The following EDDM13 variants were observed in gnomAD, a reference collection of about 807,000 sequenced individuals.
The protein encoded by EDDM13 is epididymal protein 13.
Under a neutral mutation model 17.8 loss-of-function variants are expected in EDDM13, and 24 were observed. The ratio of observed to expected loss-of-function variants is 1.35; its 90% CI spans 0.98 to 1.90. The LOEUF (loss-of-function observed/expected upper bound fraction) is 1.90, where lower values mean the gene tolerates loss of function less well. Ranked by LOEUF, EDDM13 falls within the 40% of genes most tolerant of loss-of-function variation. The pLI is 0.00. For synonymous variants in EDDM13, 31 were observed against 37.5 expected (o/e 0.83, Z 0.63); for missense variants, 97 against 100.8 (o/e 0.96, Z 0.16).
At chr19:56,301,545 C>T (rs138698853) in intron 12 of EDDM13, among the ~76,000 whole-genome samples, 157 of 152,270 alleles carry the variant, frequency 1.0e-3, no homozygotes, top group African/African-American at 2.5e-3. Context: ...AGGGTCTTTG[C>T]GACTTGTATC....
intron 1 of EDDM13, among the ~76,000 whole-genome samples, chr19:56,275,074 G>A (rs11670870): frequency 0.42 from 63,242 of 152,082 alleles, 14,420 homozygotes; most frequent in Non-Finnish European, 0.51. Context: ...ACCACATGAT[G>A]TTGATGTGTC....
chr19:56,306,955 C>T (rs1191923772), intron 14 of EDDM13, among the ~76,000 whole-genome samples: 1 of 46,124 alleles, frequency 2.2e-5, no homozygotes, highest in Non-Finnish European at 4.1e-5. Flanking sequence ...GAGGCTCCTC[C>T]CTGGCCTCTC....
At chr19:56,302,533 T>C (rs12462744) in intron 13 of EDDM13, among the ~76,000 whole-genome samples, 1,148 of 26,966 alleles carry the variant, frequency 0.043, 43 homozygotes, top group African/African-American at 0.076. Flanking sequence ...TCCCTCCCTC[T>C]TCTTCCTCCC....
intron 1 of EDDM13, among the ~76,000 whole-genome samples, chr19:56,273,521 G>A (rs1433767051): frequency 6.6e-6 from 1 of 152,102 alleles, no homozygotes; most frequent in Non-Finnish European, 1.5e-5. Flanking sequence ...TCTAGTGTGG[G>A]GATTCGGAGA....
Position 56,272,834 on chromosome 19 carries a change from C to A in EDDM13, c.-1C>A. The A allele has an allele frequency of 1.0e-6, 1 of 984,472 alleles. No homozygotes were observed. Among genetic ancestry groups the A allele is most frequent in the Non-Finnish European group, 1.2e-6 (1 of 829,090 alleles). 61.0% of individuals were successfully genotyped at this position (984,472 alleles called of 1,614,324 possible). A position where few individuals can be genotyped will look rare whatever the true frequency, so the allele number is the denominator to read the frequency against. ...CATTCAGCCCAAATCCCAGCCCCAT[C>A]ATGCACAGATCAGAGCCATTTCTGA... is the stretch of plus-strand genomic sequence containing the variant. On this transcript the variant is annotated 5_prime_UTR_variant, in exon 1 of 15. Transcript: ENST00000649256.
At chr19:56,275,955 GAGTGGGTCAGCTGA>G in intron 1 of EDDM13, among the ~76,000 whole-genome samples, 123 bp from the exon 2 acceptor site, 1 of 152,306 alleles carries the variant, frequency 6.6e-6, no homozygotes, top group South Asian at 2.1e-4. Context: ...TGATAGCAGT[GAGTGGGTCAGCTGA>G]TCTCCAGGGA....
At chr19:56,292,355 T>C (rs921349205) in intron 9 of EDDM13, among the ~76,000 whole-genome samples, 4 of 152,190 alleles carry the variant, frequency 2.6e-5, no homozygotes, top group Non-Finnish European at 1.5e-5. Flanking sequence ...GCAGACCTCC[T>C]GGGCTCAAGC....
At chr19:56,309,393 C>T (rs1020163105) in intron 14 of EDDM13, among the ~76,000 whole-genome samples, 2 of 152,070 alleles carry the variant, frequency 1.3e-5, no homozygotes, top group Admixed American at 6.5e-5. Flanking sequence ...CACAACATGG[C>T]GAATGTAATG....
chr19:56,292,458 C>CTT (rs899365291), intron 9 of EDDM13, among the ~76,000 whole-genome samples: 1 of 135,170 alleles, frequency 7.4e-6, no homozygotes, highest in Admixed American at 7.4e-5. Flanking sequence ...TCTGTTTTTA[C>CTT]TTTTTTTTTT....
chr19:56,286,385 G>T (rs1161066590), intron 6 of EDDM13: 3 of 151,936 alleles, frequency 2.0e-5, no homozygotes, highest in Non-Finnish European at 1.5e-5. Context: ...TTCACAGACG[G>T]ACTGAACCCC....
At chr19:56,287,152 C>G (rs1337842629) in intron 6 of EDDM13, among the ~76,000 whole-genome samples, 1 of 152,212 alleles carries the variant, frequency 6.6e-6, no homozygotes, top group Non-Finnish European at 1.5e-5. Flanking sequence ...TTTTGTCCAT[C>G]TTAGGTGGTG....
chr19:56,273,234 G>T (rs551816828), intron 1 of EDDM13, among the ~76,000 whole-genome samples: 2 of 152,306 alleles, frequency 1.3e-5, no homozygotes, highest in African/African-American at 4.8e-5. Context: ...CAGTTCATGG[G>T]ACTGTTGCAT....
At chr19:56,277,386 C>T (rs113114733) in intron 2 of EDDM13, among the ~76,000 whole-genome samples, 35 of 152,250 alleles carry the variant, frequency 2.3e-4, no homozygotes, top group African/African-American at 7.0e-4. Flanking sequence ...CATTCAACAT[C>T]GTGTGTGAGC....
intron 14 of EDDM13, among the ~76,000 whole-genome samples, chr19:56,309,688 G>A (rs2040910407): frequency 6.6e-6 from 1 of 152,188 alleles, no homozygotes; most frequent in South Asian, 2.1e-4. Flanking sequence ...CAGGCTAGGG[G>A]GTGCAGCCCA....
intron 13 of EDDM13, among the ~76,000 whole-genome samples, chr19:56,302,309 T>TCTCC (rs71976965): frequency 2.8e-5 from 4 of 144,500 alleles, no homozygotes; most frequent in Admixed American, 6.9e-5. Context: ...TTCCCTCTTT[T>TCTCC]CTCCCTCCCT....
chr19:56,278,719 G>A lies in EDDM13; in HGVS notation c.103+2610G>A, dbSNP rs193089372. Among the ~76,000 whole-genome samples the A allele has an allele frequency of 2.2e-3, 333 of 152,310 alleles. 2 individuals carry two copies. The highest frequency in any genetic ancestry group is 1.3e-3 in the Non-Finnish European group (86 of 68,034). ...GTCTGAAGGCCTCAGAACCAAGGAAGCTGATGGATGGTCTAACTAACTCTC... is the reference window on the plus strand; with the variant it reads ...GTCTGAAGGCCTCAGAACCAAGGAAACTGATGGATGGTCTAACTAACTCTC... On this transcript the variant is annotated intron_variant, in intron 2 of 14. Transcript: ENST00000649256.
rs1459501681 is a variant in EDDM13, at chr19:56,303,022, G to C, written c.423+927G>C. ...AGGCAGTGGCGCTTATCTCAGCCTA[G>C]GGGAAGTGTGGGCTCATGGAAGCCT... On this transcript the variant is annotated intron_variant, in intron 13 of 14. Coordinates refer to ENST00000649256, the MANE Select transcript of EDDM13 (RefSeq NM_001354658.2). 1.0e-5 allele frequency: 4 copies of C among 396,054 alleles called. No homozygotes were observed. In the Admixed American group the frequency reaches 1.8e-4, roughly 18 times the overall value. The allele number at this position is 396,054 out of a possible 1,614,324, so 24.5% of individuals were successfully genotyped here.
intron 6 of EDDM13, among the ~76,000 whole-genome samples, chr19:56,286,082 T>TGAGA (rs982349652): frequency 6.6e-6 from 1 of 152,100 alleles, no homozygotes; most frequent in Non-Finnish European, 1.5e-5. Context: ...AGTGCAGTGG[T>TGAGA]GAGATCTCAG....
intron 13 of EDDM13, chr19:56,303,073 G>C: frequency 2.5e-6 from 1 of 393,038 alleles, no homozygotes; most frequent in Non-Finnish European, 4.5e-6. Context: ...CACCTCTGCT[G>C]TGGGTTAAGG....
Sources: allele counts gnomAD v4.1 joint callset (sites outside exome capture counted in the v4.1 genomes callset), GRCh38; gene constraint gnomAD v4.1.1; transcripts MANE v1.5; gene names NCBI Gene and HGNC (gene_info 2026-07-23, HGNC 2026-07-21).